Variants in LAMC1 observed in about 807,000 individuals in gnomAD.
LAMC1 encodes laminin subunit gamma 1.
Under a neutral mutation model 173.6 loss-of-function variants are expected in LAMC1, and 38 were observed. The ratio of observed to expected loss-of-function variants is 0.22; its 90% CI spans 0.17 to 0.29. LAMC1 has a LOEUF of 0.29. Among genes scored for constraint, LAMC1 ranks in the 10% least tolerant of loss-of-function variants. The pLI is 1.00. For missense variants in LAMC1, 1,824 were observed against 2,051.8 expected (o/e 0.89, Z 2.14); for synonymous variants, 746 against 749.1 (o/e 1.00, Z 0.07).
At chr1:183,117,954 G>A in intron 10 of LAMC1, 80 bp from the exon 11 acceptor site, 1 of 871,488 alleles carries the variant, frequency 1.1e-6, no homozygotes. Context: ...CATTGTTGGG[G>A]CATAAATGAA....
At chr1:183,100,322 T>C (rs1305252346) in intron 1 of LAMC1, among the ~76,000 whole-genome samples, 1 of 152,190 alleles carries the variant, frequency 6.6e-6, no homozygotes, top group Non-Finnish European at 1.5e-5. Context: ...AAATCAAACC[T>C]GATCATGTAT....
Position 183,142,824 on chromosome 1 carries a change from C to A in LAMC1, c.*34C>A, listed in dbSNP as rs777660255. ...GGGCTGGAAGGCAGCATCCCTCTGA[C>A]AGGGGGGCAGTTGTGAGGCCACAGA... On this transcript the variant is annotated 3_prime_UTR_variant, in exon 28 of 28. Transcript: ENST00000258341. 6.4e-7 allele frequency: 1 copy of A among 1,573,318 alleles called. No homozygotes were observed. Among genetic ancestry groups the A allele is most frequent in the Non-Finnish European group, 8.6e-7 (1 of 1,161,278 alleles).
At chr1:183,053,984 C>G (rs186238627) in intron 1 of LAMC1, among the ~76,000 whole-genome samples, 20 of 152,230 alleles carry the variant, frequency 1.3e-4, no homozygotes, top group African/African-American at 4.3e-4. Flanking sequence ...ATAGTCTTTG[C>G]TCAAATGTTG....
intron 1 of LAMC1, among the ~76,000 whole-genome samples, chr1:183,065,911 C>G (rs190561082): frequency 1.1e-4 from 17 of 152,268 alleles, no homozygotes; most frequent in African/African-American, 3.8e-4. Context: ...GTTTCTTGAA[C>G]TTGAGTCTCA....
At chr1:183,113,424 C>T (rs1317041684) in intron 4 of LAMC1, among the ~76,000 whole-genome samples, 1 of 152,058 alleles carries the variant, frequency 6.6e-6, no homozygotes, top group Non-Finnish European at 1.5e-5. Flanking sequence ...ACATCCTGTT[C>T]GATTTGAAAC....
At position 183,144,983 on chromosome 1, in the gene LAMC1, G is replaced by C. The variant is rs1391315297; in HGVS notation, c.*2193G>C. On this transcript the variant is annotated 3_prime_UTR_variant, in exon 28 of 28. Coordinates refer to ENST00000258341, the MANE Select transcript of LAMC1 (RefSeq NM_002293.4). The stretch of plus-strand genomic sequence containing the variant: ...CTCTTCTACTATGGCAGGAGATGTG[G>C]CGTGCTGTTGCAAAGTTTTCACGTC... 6.6e-6 allele frequency: 1 copy of C among 152,156 alleles called. No individual in the cohort carries two copies. Among genetic ancestry groups the C allele is most frequent in the Non-Finnish European group, 1.5e-5 (1 of 68,062 alleles). 9.4% of individuals were successfully genotyped at this position (152,156 alleles called of 1,614,324 possible).
intron 1 of LAMC1, among the ~76,000 whole-genome samples, chr1:183,037,779 G>A (rs758648691): frequency 5.3e-5 from 8 of 151,908 alleles, no homozygotes; most frequent in Middle Eastern, 3.2e-3. Context: ...AGGGATCATC[G>A]TTCCCATTAG....
At chr1:183,127,672 G>T (rs1656659134) in intron 17 of LAMC1, among the ~76,000 whole-genome samples, 1 of 152,220 alleles carries the variant, frequency 6.6e-6, no homozygotes, top group African/African-American at 2.4e-5. Context: ...TCTAAGGTGA[G>T]ATCTGATGGA....
chr1:183,068,693 G>C (rs1558038033), intron 1 of LAMC1, among the ~76,000 whole-genome samples: 1 of 152,242 alleles, frequency 6.6e-6, no homozygotes, highest in East Asian at 1.9e-4. Flanking sequence ...TGTAATCCCA[G>C]CACTTTGGAA....
rs762154569 is a variant in LAMC1, at chr1:183,128,738, C to G, written c.3268C>G (p.Gln1090Glu). 6.2e-7 allele frequency: 1 copy of G among 1,612,742 alleles called. No homozygotes were observed. The highest frequency in any genetic ancestry group is 8.5e-7 in the Non-Finnish European group (1 of 1,179,178). Residue 1090 changes from glutamine to glutamate, a missense_variant, in exon 18 of 28, where the codon CAG becomes GAG. Gln to Glu is a conservative substitution (Grantham distance 29). Transcript: ENST00000258341. Reference protein sequence around the residue: ...REVMDLLREAQDVKDVDQNLM... With the variant: ...REVMDLLREAEDVKDVDQNLM... ...AGTTATGGACCTCCTTCGTGAGGCC[C>G]AGGATGTCAAAGGTACGCATGATTG... is the stretch of plus-strand genomic sequence containing the variant.
chr1:183,035,212 A>G (rs1306897181), intron 1 of LAMC1, among the ~76,000 whole-genome samples: 1 of 152,244 alleles, frequency 6.6e-6, no homozygotes, highest in Non-Finnish European at 1.5e-5. Context: ...TGTTTTAGAC[A>G]GGGTCTTGCT....
intron 1 of LAMC1, among the ~76,000 whole-genome samples, chr1:183,075,538 G>A (rs1310578808): frequency 6.6e-6 from 1 of 152,154 alleles, no homozygotes; most frequent in Non-Finnish European, 1.5e-5. Context: ...TGTAATGCCT[G>A]TAAATTGATT....
intron 1 of LAMC1, among the ~76,000 whole-genome samples, chr1:183,081,375 A>T (rs1655271456): frequency 6.6e-6 from 1 of 151,498 alleles, no homozygotes; most frequent in Non-Finnish European, 1.5e-5. Flanking sequence ...AGGCAGACGG[A>T]TCACTTGAGG....
intron 4 of LAMC1, among the ~76,000 whole-genome samples, chr1:183,113,063 C>T (rs1166772255): frequency 1.3e-5 from 2 of 152,148 alleles, no homozygotes; most frequent in Non-Finnish European, 2.9e-5. Context: ...GTACTCCCAG[C>T]TACGTGGCAG....
intron 1 of LAMC1, among the ~76,000 whole-genome samples, chr1:183,080,499 C>T (rs1655243522): frequency 6.6e-6 from 1 of 152,156 alleles, no homozygotes; most frequent in Admixed American, 6.5e-5. Context: ...GGATCAGCCC[C>T]ACTTTTGTCA....
intron 1 of LAMC1, among the ~76,000 whole-genome samples, chr1:183,033,868 G>A (rs1653905860): frequency 6.6e-6 from 1 of 151,868 alleles, no homozygotes; most frequent in Non-Finnish European, 1.5e-5. Flanking sequence ...TAGGTTTTTT[G>A]TATTTTTTTT....
Position 183,110,662 on chromosome 1 carries a change from C to T in LAMC1, c.1021+8C>T. ...GTGCCAGTGAATGCCTGCGTGAGTG[C>T]CCCATGACGTCAGTCTGTCAGTTGT... is the stretch of plus-strand genomic sequence containing the variant. On this transcript the variant is annotated splice_region_variant and intron_variant, in intron 4 of 27. Transcript: ENST00000258341. The T allele has an allele frequency of 6.2e-7, 1 of 1,612,304 alleles. No homozygotes were observed. Among genetic ancestry groups the T allele is most frequent in the Non-Finnish European group, 8.5e-7 (1 of 1,179,058 alleles).
At position 183,132,528 on chromosome 1, in the gene LAMC1, T is replaced by A; in HGVS notation, c.3695T>A (p.Leu1232His). Residue 1232 changes from leucine to histidine, a missense_variant, in exon 21 of 28, where the codon CTT (leucine) becomes CAT (histidine). By Grantham distance (99) the Leu-to-His change is moderately conservative. Coordinates refer to ENST00000258341, the MANE Select transcript of LAMC1 (RefSeq NM_002293.4). ...CAAACAGCATTTGAGATTGAAGAGC[T>A]TAATAGGAAGTGAGTATAATTTGAA... ...ENQTAFEIEE[L>H]NRKYEQAKNI... The A allele has an allele frequency of 6.2e-7, 1 of 1,613,762 alleles. No individual in the cohort carries two copies. The highest frequency in any genetic ancestry group is 1.1e-5 in the South Asian group (1 of 91,030).
At position 183,117,269 on chromosome 1, in the gene LAMC1, T is replaced by C. The variant is rs369319671; in HGVS notation, c.1565-51T>C. ...TTTTATGATACATAGAGGACCTGAA[T>C]TCAGGATGTTTACAGTGTAAAGTGC... is the stretch of plus-strand genomic sequence containing the variant. On this transcript the variant is annotated intron_variant, in intron 8 of 27. Transcript: ENST00000258341. The C allele has an allele frequency of 1.3e-5, 21 of 1,561,830 alleles. No homozygotes were observed. In the African/African-American group the frequency reaches 2.7e-4, roughly 20 times the overall value.
Sources: gnomAD v4.1 joint callset for allele counts (sites outside exome capture counted in the v4.1 genomes callset) on GRCh38, gnomAD v4.1.1 for gene constraint, MANE v1.5 for transcripts, NCBI Gene and HGNC (gene_info 2026-07-23, HGNC 2026-07-21) for gene names.